The following ANK3 variants were observed in gnomAD, a reference collection of about 807,000 sequenced individuals.
ANK3 encodes the protein ankyrin-3.
A neutral mutation model predicts 370.9 loss-of-function variants in ANK3; 57 were observed. The observed-to-expected ratio is 0.15, with a 90% CI of 0.12 to 0.19. The LOEUF (loss-of-function observed/expected upper bound fraction) is 0.19. ANK3 is among the 10% of genes least tolerant of loss of function. The pLI is 1.00. For synonymous variants in ANK3, 1,929 were observed against 1,946.3 expected, an observed-to-expected ratio of 0.99 and a Z score of 0.23; for missense variants, 4,439 against 5,302.1, an observed-to-expected ratio of 0.84 and a Z score of 5.06.
chr10:60,490,953 C>T (rs995062749), intron 2 of ANK3, among the ~76,000 whole-genome samples: 2 of 152,180 alleles, frequency 1.3e-5, no homozygotes, highest in African/African-American at 4.8e-5. Flanking sequence ...CTCACATGCT[C>T]AGGCCACCAC....
chr10:60,471,415 A>G (rs2065215809), intron 2 of ANK3, among the ~76,000 whole-genome samples: 1 of 152,138 alleles, frequency 6.6e-6, no homozygotes, highest in Non-Finnish European at 1.5e-5. Flanking sequence ...GGTATACAGT[A>G]TACTGGTCTA....
chr10:60,432,610 T>C (rs2064053975), intron 2 of ANK3, among the ~76,000 whole-genome samples: 1 of 152,144 alleles, frequency 6.6e-6, no homozygotes. Context: ...TCTTAAATAA[T>C]GATGACAAAA....
intron 2 of ANK3, among the ~76,000 whole-genome samples, chr10:60,395,787 A>G (rs936857391): frequency 3.5e-4 from 53 of 152,118 alleles, no homozygotes; most frequent in African/African-American, 1.2e-3. Context: ...ACATATAGAG[A>G]AATGAGACTT....
At chr10:60,337,397 C>A (rs909238348) in intron 1 of ANK3, among the ~76,000 whole-genome samples, 12 of 152,126 alleles carry the variant, frequency 7.9e-5, no homozygotes, top group Non-Finnish European at 1.3e-4. Context: ...GATCCTTATA[C>A]ATGACCCTCT....
chr10:60,219,595 TAG>T (rs752560141), intron 8 of ANK3, among the ~76,000 whole-genome samples: 7 of 152,134 alleles, frequency 4.6e-5, no homozygotes, highest in Non-Finnish European at 7.3e-5. Flanking sequence ...GTTGAGGAAG[TAG>T]AGAGTTATTC....
chr10:60,572,315 C>T, intron 2 of ANK3: 1 of 716,906 alleles, frequency 1.4e-6, no homozygotes, highest in Middle Eastern at 3.5e-4. Context: ...ACAGAACACA[C>T]CCATTAATAG....
chr10:60,032,262 A>C lies in ANK3; in HGVS notation c.*20-2436T>G, dbSNP rs1262144309. The stretch of plus-strand genomic sequence containing the variant: ...TGTCGCCCAGGCTGGAATGGAATGG[A>C]ATGGCATGATCACGGCTAACTGCAA... On this transcript the variant is annotated intron_variant, in intron 43 of 43. Transcript: ENST00000280772. Among the ~76,000 whole-genome samples the C allele has an allele frequency of 2.4e-5, 3 of 126,956 alleles. No homozygotes were observed. The Admixed American group carries it at 2.9e-4, about 12-fold the overall frequency. The allele number at this position is 126,956 out of a possible 152,430, so 83.3% of individuals were successfully genotyped here.
chr10:60,703,465 A>T (rs1029207314), intron 1 of ANK3, among the ~76,000 whole-genome samples: 3 of 152,150 alleles, frequency 2.0e-5, no homozygotes, highest in Non-Finnish European at 4.4e-5. Flanking sequence ...ATGGGAGTTC[A>T]TTCTACTACT....
At chr10:60,059,799 T>A (rs1310383998) in intron 40 of ANK3, 2 of 1,614,234 alleles carry the variant, frequency 1.2e-6, no homozygotes, top group South Asian at 2.2e-5. Flanking sequence ...TAAGGAAGCG[T>A]CTTCTGCAGT....
upstream of ANK3, among the ~76,000 whole-genome samples, chr10:60,390,771 A>C (rs1466015517): frequency 1.5e-5 from 2 of 130,030 alleles, no homozygotes; most frequent in Non-Finnish European, 3.2e-5. Context: ...CACACAAACA[A>C]CAATTTCACC....
At chr10:60,532,802 G>A (rs1192030994) in intron 2 of ANK3, among the ~76,000 whole-genome samples, 2 of 152,222 alleles carry the variant, frequency 1.3e-5, no homozygotes, top group East Asian at 3.9e-4. Context: ...TATAACTGAA[G>A]ATGCATAATG....
chr10:60,709,317 CTA>C (rs1313444745), intron 1 of ANK3, among the ~76,000 whole-genome samples: 1 of 132,690 alleles, frequency 7.5e-6, no homozygotes, highest in African/African-American at 2.5e-5. Flanking sequence ...ATATCTATAT[CTA>C]TATCTATATC....
At chr10:60,480,173 A>G (rs1422087693) in intron 2 of ANK3, among the ~76,000 whole-genome samples, 2 of 152,160 alleles carry the variant, frequency 1.3e-5, no homozygotes, top group Non-Finnish European at 2.9e-5. Flanking sequence ...CATGACAAGG[A>G]AGGAAAGTTC....
In ANK3 at chr10:60,069,859, A is replaced by G. The variant is rs778662441; in HGVS notation, c.11022T>C (p.Asn3674=). The G allele has an allele frequency of 1.9e-6, 3 of 1,613,950 alleles. No homozygotes were observed. The highest frequency in any genetic ancestry group is 1.1e-5 in the South Asian group (1 of 91,064). ...TAGGTTCCACTGTAGGTGTCTCTAC[A>G]TTTCTCTCTAGATTGGTTTCTACAG... ...DTTVETNLER[N]VETPTVEPNP... The change falls in exon 37 of 44, where the codon AAT becomes AAC. Residue 3674 remains asparagine (N), a synonymous_variant. Transcript: ENST00000280772.
At chr10:60,462,666 T>C (rs1327561050) in intron 2 of ANK3, among the ~76,000 whole-genome samples, 2 of 151,394 alleles carry the variant, frequency 1.3e-5, no homozygotes, top group African/African-American at 2.4e-5. Context: ...TAAAATAAAA[T>C]CAGTGGTTTT....
At chr10:60,339,120 A>G (rs1307221331) in intron 1 of ANK3, among the ~76,000 whole-genome samples, 1 of 152,154 alleles carries the variant, frequency 6.6e-6, no homozygotes, top group African/African-American at 2.4e-5. Context: ...AAATTCTAGC[A>G]TGATTAAAAG....
chr10:60,207,275 C>T (rs1055148423), intron 10 of ANK3, among the ~76,000 whole-genome samples: 4 of 152,258 alleles, frequency 2.6e-5, no homozygotes, highest in East Asian at 1.9e-4. Context: ...ACAGGATGAC[C>T]GCACTCTTTG....
rs199910327 is a variant in ANK3, at chr10:60,198,451, A to T, written c.1578T>A (p.Asn526Lys). 6.2e-7 allele frequency: 1 copy of T among 1,614,186 alleles called. No homozygotes were observed. Among genetic ancestry groups the T allele is most frequent in the Non-Finnish European group, 8.5e-7 (1 of 1,180,020 alleles). Reference protein sequence around the residue: ...QQLLQQGASPNAATTSGYTPL... With the variant: ...QQLLQQGASPKAATTSGYTPL... ...GGGTGTACCCAGAAGTTGTGGCTGC[A>T]TTTGGAGATGCCCCTTGCTGCAACA... The change falls in exon 14 of 44, where the codon AAT becomes AAA. Residue 526 changes from asparagine to lysine, a missense_variant. Physicochemically the swap from Asn to Lys is moderately conservative, Grantham distance 94. Around this residue, in one of 13 missense-constraint regions of ANK3, gnomAD observed 227 missense variants for 377.6 expected, o/e 0.60. Transcript: ENST00000280772.
intron 1 of ANK3, among the ~76,000 whole-genome samples, chr10:60,353,928 C>T (rs10821740): frequency 0.38 from 57,797 of 152,174 alleles, 11,889 homozygotes; most frequent in Middle Eastern, 0.52. Context: ...GTTATCAGCT[C>T]AGCCTGTGAC....
Sources: allele counts gnomAD v4.1 joint callset (sites outside exome capture counted in the v4.1 genomes callset), GRCh38; gene constraint gnomAD v4.1.1; regional missense constraint gnomAD v4.1.1; transcripts MANE v1.5; gene names NCBI Gene and HGNC (gene_info 2026-07-23, HGNC 2026-07-21).